ZFHX4: variants seen among roughly 807,000 people sequenced by gnomAD.
ZFHX4 encodes zinc finger homeobox protein 4.
ZFHX4 carries 56 observed loss-of-function variants against 267.6 expected under a neutral mutation model. That is an observed-to-expected ratio of 0.21 (90% confidence interval 0.17 to 0.26). The LOEUF is 0.26. Ranked by LOEUF, ZFHX4 falls within the 10% of genes least tolerant of loss-of-function variation. The pLI is 1.00. For synonymous variants in ZFHX4, 1,778 were observed against 1,665.6 expected (o/e 1.07, Z -1.64); for missense variants, 4,332 against 4,420.0 (o/e 0.98, Z 0.56).
At chr8:76,857,514 A>G (rs1412321980) in intron 10 of ZFHX4, among the ~76,000 whole-genome samples, 2 of 151,964 alleles carry the variant, frequency 1.3e-5, no homozygotes, top group Non-Finnish European at 2.9e-5. Context: ...AGTTATTCCT[A>G]TTTTAACTTT....
chr8:76,693,016 A>C (rs568880302), intron 1 of ZFHX4, among the ~76,000 whole-genome samples: 4 of 152,322 alleles, frequency 2.6e-5, no homozygotes, highest in Non-Finnish European at 5.9e-5. Context: ...ATTCATGTAG[A>C]GAAAGCAATT....
At chr8:76,763,686 A>G (rs1809976972) in intron 3 of ZFHX4, among the ~76,000 whole-genome samples, 1 of 152,196 alleles carries the variant, frequency 6.6e-6, no homozygotes, top group South Asian at 2.1e-4. Context: ...GGTTGTAAAT[A>G]AGCCTTTTTC....
chr8:76,823,850 C>T (rs1178637986), intron 4 of ZFHX4, among the ~76,000 whole-genome samples: 1 of 152,006 alleles, frequency 6.6e-6, no homozygotes, highest in Admixed American at 6.6e-5. Flanking sequence ...ATAATTTCTC[C>T]CATGTATACA....
At chr8:76,857,752 C>A (rs1812770787) in intron 10 of ZFHX4, among the ~76,000 whole-genome samples, 1 of 151,582 alleles carries the variant, frequency 6.6e-6, no homozygotes, top group African/African-American at 2.4e-5. Context: ...ATTTTGGAGT[C>A]TTAAATATTA....
intron 4 of ZFHX4, among the ~76,000 whole-genome samples, chr8:76,814,942 G>C (rs943608430): frequency 1.3e-5 from 2 of 152,106 alleles, no homozygotes; most frequent in Admixed American, 1.3e-4. Context: ...ATTCACTTCA[G>C]TGATTTAGAA....
intron 4 of ZFHX4, among the ~76,000 whole-genome samples, chr8:76,818,194 A>G (rs1811555829): frequency 6.6e-6 from 1 of 152,166 alleles, no homozygotes; most frequent in East Asian, 1.9e-4. Context: ...GTAGGGAAGG[A>G]AAATGAAATA....
chr8:76,822,550 C>T (rs1266387417), intron 4 of ZFHX4, among the ~76,000 whole-genome samples: 1 of 150,890 alleles, frequency 6.6e-6, no homozygotes, highest in Admixed American at 6.6e-5. Flanking sequence ...GTGATCCTCC[C>T]CACCTCAGTA....
intron 4 of ZFHX4, among the ~76,000 whole-genome samples, chr8:76,807,738 A>C (rs914999561): frequency 6.6e-6 from 1 of 152,144 alleles, no homozygotes; most frequent in Non-Finnish European, 1.5e-5. Flanking sequence ...TTCTGATATA[A>C]TGTTAGAAAT....
At chr8:76,840,810 G>T (rs1244228175) in intron 5 of ZFHX4, among the ~76,000 whole-genome samples, 1 of 152,136 alleles carries the variant, frequency 6.6e-6, no homozygotes, top group Non-Finnish European at 1.5e-5. Flanking sequence ...GTGTGGACTT[G>T]GGAGGGACAC....
In ZFHX4 at chr8:76,853,682, A is replaced by G. The variant is rs1473294123; in HGVS notation, c.6761A>G (p.Asp2254Gly). The change falls in exon 10 of 11, where the codon GAT becomes GGT. Residue 2254 changes from aspartate (D) to glycine (G), a missense_variant. Physicochemically the swap from Asp to Gly is moderately conservative, Grantham distance 94. This residue lies in a region of ZFHX4 where 62 missense variants were observed against 69.8 expected (regional missense o/e 0.89). Coordinates refer to ENST00000651372, the MANE Select transcript of ZFHX4 (RefSeq NM_024721.5). Reference sequence around the variant, plus strand: ...GACACAAACGCTTACCCAAAAGATGATGAAATAGAACAACTCTCCACTGTT... The same window carrying G: ...GACACAAACGCTTACCCAAAAGATGGTGAAATAGAACAACTCTCCACTGTT... ...FFDTNAYPKD[D>G]EIEQLSTVLN... is the part of the protein sequence containing the mutation. 6.2e-7 allele frequency: 1 copy of G among 1,613,716 alleles called. No homozygotes were observed. Among genetic ancestry groups the G allele is most frequent in the Admixed American group, 1.7e-5 (1 of 60,010 alleles).
At chr8:76,842,275 C>T (rs1260827505) in intron 5 of ZFHX4, among the ~76,000 whole-genome samples, 1 of 152,064 alleles carries the variant, frequency 6.6e-6, no homozygotes, top group African/African-American at 2.4e-5. Context: ...AATCTGTTTT[C>T]TTTTTCCTGA....
At chr8:76,820,487 G>A (rs974234517) in intron 4 of ZFHX4, among the ~76,000 whole-genome samples, 2 of 152,114 alleles carry the variant, frequency 1.3e-5, no homozygotes, top group Non-Finnish European at 2.9e-5. Flanking sequence ...CACTAGTGAT[G>A]ATTATGACAT....
intron 4 of ZFHX4, among the ~76,000 whole-genome samples, chr8:76,800,366 G>A (rs1011111721): frequency 1.3e-5 from 2 of 152,084 alleles, no homozygotes; most frequent in African/African-American, 4.8e-5. Flanking sequence ...CATTTTGATG[G>A]GATGTTATCA....
intron 1 of ZFHX4, among the ~76,000 whole-genome samples, chr8:76,699,042 G>A (rs1808032823): frequency 6.6e-6 from 1 of 152,116 alleles, no homozygotes; most frequent in Non-Finnish European, 1.5e-5. Flanking sequence ...ACTGGTCTTT[G>A]TTTGTGTGGT....
At chr8:76,765,622 G>A (rs770382757) in intron 3 of ZFHX4, among the ~76,000 whole-genome samples, 1 of 152,064 alleles carries the variant, frequency 6.6e-6, no homozygotes, top group Non-Finnish European at 1.5e-5. Flanking sequence ...TGATGTCACT[G>A]TTCCTATATT....
chr8:76,705,139 A>G lies in ZFHX4; in HGVS notation c.1051A>G (p.Thr351Ala). The G allele has an allele frequency of 5.0e-6, 8 of 1,613,700 alleles. No individual in the cohort carries two copies. The highest frequency in any genetic ancestry group is 6.8e-6 in the Non-Finnish European group (8 of 1,179,832). Residue 351 changes from threonine (T) to alanine (A), a missense_variant, in exon 2 of 11, where the codon ACA (threonine) becomes GCA (alanine). Thr to Ala is a moderately conservative substitution (Grantham distance 58). Coordinates refer to ENST00000651372, the MANE Select transcript of ZFHX4 (RefSeq NM_024721.5). ...TTCTGTTTATCCCCATTTTTCTACTACAAACCTCATAGGACCCGATCCAAC... is the reference window on the plus strand; with the variant it reads ...TTCTGTTTATCCCCATTTTTCTACTGCAAACCTCATAGGACCCGATCCAAC... ...STSVYPHFST[T>A]NLIGPDPTFR...
intron 3 of ZFHX4, among the ~76,000 whole-genome samples, chr8:76,771,905 C>T (rs1810273721): frequency 6.6e-6 from 1 of 152,108 alleles, no homozygotes; most frequent in African/African-American, 2.4e-5. Context: ...AAGATGACTT[C>T]CAAATTTCTG....
chr8:76,726,472 A>G (rs1433028509), intron 3 of ZFHX4, among the ~76,000 whole-genome samples: 1 of 152,234 alleles, frequency 6.6e-6, no homozygotes, highest in Admixed American at 6.5e-5. Flanking sequence ...GAAAGTGTAA[A>G]TTATGAAAGG....
In ZFHX4 at chr8:76,705,585, T is replaced by C. The variant is rs140868075; in HGVS notation, c.1497T>C (p.Asp499=). The change falls in exon 2 of 11, where the codon GAT becomes GAC. Residue 499 remains aspartate, a synonymous_variant. Coordinates refer to ENST00000651372, the MANE Select transcript of ZFHX4 (RefSeq NM_024721.5). ...TCACCGATAGTATTGGTAACAAAGA[T>C]TTCCCTCTCTTAAACCAAAGCATTT... is the stretch of plus-strand genomic sequence containing the variant. ...GELTDSIGNK[D]FPLLNQSISP... 856 of 1,613,744 alleles carry C rather than the reference T, an allele frequency of 5.3e-4. 6 individuals are homozygous for C. The African/African-American group carries it at 9.7e-3, about 18-fold the overall frequency.
Sources: gnomAD v4.1 joint callset for allele counts (sites outside exome capture counted in the v4.1 genomes callset) on GRCh38, gnomAD v4.1.1 for gene constraint, gnomAD v4.1.1 regional missense constraint, MANE v1.5 for transcripts, NCBI Gene and HGNC (gene_info 2026-07-23, HGNC 2026-07-21) for gene names.